The following KLHDC3 variants were observed in gnomAD, a reference collection of about 807,000 sequenced individuals.
KLHDC3 encodes the protein kelch domain-containing protein 3.
In KLHDC3, 5 loss-of-function variants were observed where a neutral mutation model predicts 44.1. The ratio of observed to expected loss-of-function variants is 0.11; its 90% CI spans 0.06 to 0.24. The LOEUF (loss-of-function observed/expected upper bound fraction) is 0.24, where lower values mean the gene tolerates loss of function less well. Among genes scored for constraint, KLHDC3 ranks in the 10% least tolerant of loss-of-function variants. KLHDC3 has a pLI of 1.00. For missense variants in KLHDC3, 247 were observed against 514.3 expected (o/e 0.48, Z 5.03); for synonymous variants, 170 against 189.0 (o/e 0.90, Z 0.82).
rs1358576256 is a variant in KLHDC3, at chr6:43,020,740, G to A, written c.*7G>A. The stretch of plus-strand genomic sequence containing the variant: ...CGTCTCCTCCCATGGGTAGGAGGAA[G>A]TTTCTGCCACCTCCCCTCCTGAGCC... On this transcript the variant is annotated 3_prime_UTR_variant, in exon 11 of 11. Transcript: ENST00000326974. 2.5e-6 allele frequency: 4 copies of A among 1,611,086 alleles called. No homozygotes were observed.
At chr6:43,019,507 TGGAA>T (rs1357867370) in intron 10 of KLHDC3, 141 bp downstream of exon 10, 5 of 634,950 alleles carry the variant, frequency 7.9e-6, no homozygotes, top group Non-Finnish European at 1.4e-5. Context: ...GGAAATGAGA[TGGAA>T]GGAGGTGAAT....
In KLHDC3 at chr6:43,017,068, G is replaced by A; in HGVS notation, c.-59-66G>A. 8.6e-7 allele frequency: 1 copy of A among 1,157,462 alleles called. No individual in the cohort carries two copies. Among genetic ancestry groups the A allele is most frequent in the Non-Finnish European group, 1.2e-6 (1 of 809,418 alleles). The allele number at this position is 1,157,462 out of a possible 1,614,324, so 71.7% of individuals were successfully genotyped here. A position where few individuals can be genotyped will look rare whatever the true frequency, so the allele number is the denominator to read the frequency against. The stretch of plus-strand genomic sequence containing the variant: ...CACTTGGAGGCAAAGGCTGGTTCTG[G>A]GCAGAGTCACAGTGAGCTGGGCAGA... On this transcript the variant is annotated intron_variant, in intron 1 of 10. Coordinates refer to ENST00000326974, the MANE Select transcript of KLHDC3 (RefSeq NM_057161.4). The surrounding 1 kb of genome is among the most constrained non-coding windows in gnomAD (Gnocchi z 6.0).
chr6:43,017,487 G>A lies in KLHDC3; in HGVS notation c.155-32G>A, dbSNP rs905711938. 8.9e-6 allele frequency: 14 copies of A among 1,567,330 alleles called. No individual in the cohort carries two copies. In the South Asian group the frequency reaches 1.7e-4, roughly 19 times the overall value. On this transcript the variant is annotated intron_variant, in intron 2 of 10. Coordinates refer to ENST00000326974, the MANE Select transcript of KLHDC3 (RefSeq NM_057161.4). This position sits in a 1 kb window ranked among gnomAD's most constrained non-coding sequence, Gnocchi z 6.0. ...GGAAAAGTGGACAGCCTGGAGGGAG[G>A]TTCCCAGGGCTGAGCAGAGCTGTGC...
Position 43,020,789 on chromosome 6 carries a change from C to A in KLHDC3, c.*56C>A. The A allele has an allele frequency of 2.2e-6, 3 of 1,367,362 alleles. No individual in the cohort carries two copies. Among genetic ancestry groups the A allele is most frequent in the Middle Eastern group, 1.8e-4 (1 of 5,556 alleles). The allele number at this position is 1,367,362 out of a possible 1,614,324, so 84.7% of individuals were successfully genotyped here. A position where few individuals can be genotyped will look rare whatever the true frequency, so the allele number is the denominator to read the frequency against. On this transcript the variant is annotated 3_prime_UTR_variant, in exon 11 of 11. Transcript: ENST00000326974. ...CCTGCTGTCATCTTCACTGCCCCTG[C>A]CCATCTGTCACCCACCTGCTCCTTT...
chr6:43,015,264 T>C (rs1171372405), intron 1 of KLHDC3, among the ~76,000 whole-genome samples: 1 of 152,078 alleles, frequency 6.6e-6, no homozygotes, highest in Admixed American at 6.6e-5. Context: ...CCCATGGCTA[T>C]TTAAAGCTTA....
Position 43,020,715 on chromosome 6 carries a change from C to G in KLHDC3, c.1131C>G (p.Ile377Met). 6.2e-7 allele frequency: 1 copy of G among 1,613,826 alleles called. No individual in the cohort carries two copies. The highest frequency in any genetic ancestry group is 8.5e-7 in the Non-Finnish European group (1 of 1,179,786). ...MTTNSNISRP[I>M]VSSHG is the part of the protein sequence containing the mutation. ...CCAACAGCAATATCAGTCGCCCCAT[C>G]GTCTCCTCCCATGGGTAGGAGGAAG... The change falls in exon 11 of 11, where the codon ATC (isoleucine) becomes ATG (methionine). Residue 377 changes from isoleucine to methionine, a missense_variant. This residue lies in a region of KLHDC3 where 176 missense variants were observed against 413.5 expected (regional missense o/e 0.43). Transcript: ENST00000326974.
intron 10 of KLHDC3, among the ~76,000 whole-genome samples, chr6:43,020,278 G>C (rs572651468): frequency 3.9e-5 from 6 of 152,220 alleles, no homozygotes; most frequent in East Asian, 3.9e-4. Context: ...AGCAAAAATG[G>C]GTATTCCTGG....
intron 10 of KLHDC3, among the ~76,000 whole-genome samples, chr6:43,019,742 G>A (rs1246436216): frequency 4.6e-5 from 7 of 152,114 alleles, no homozygotes; most frequent in Admixed American, 2.6e-4. Context: ...TTTGAATTTC[G>A]TTCTTAGGTT....
intron 1 of KLHDC3, among the ~76,000 whole-genome samples, chr6:43,015,753 G>A (rs1762554541): frequency 6.6e-6 from 1 of 151,400 alleles, no homozygotes; most frequent in Non-Finnish European, 1.5e-5. Flanking sequence ...GGGAGGCTGA[G>A]GCAGGAGAAT....
chr6:43,017,930 G>A lies in KLHDC3; in HGVS notation c.409G>A (p.Gly137Ser). ...GGATGGACATTCAGCCTGTGTCCTA[G>A]GCAAGATCATGTACATTTTTGGGGG... ...ARDGHSACVL[G>S]KIMYIFGGYE... The change falls in exon 4 of 11, where the codon GGC (glycine) becomes AGC (serine). Residue 137 changes from glycine (G) to serine (S), a missense_variant. Transcript: ENST00000326974. This position sits in a 1 kb window ranked among gnomAD's most constrained non-coding sequence, Gnocchi z 6.0. The A allele has an allele frequency of 6.2e-7, 1 of 1,614,124 alleles. No homozygotes were observed. The highest frequency in any genetic ancestry group is 1.1e-5 in the South Asian group (1 of 91,080).
In KLHDC3 at chr6:43,017,635, C is replaced by T; in HGVS notation, c.271C>T (p.Leu91Phe). ...CGTCCTCATCGACGACACAGTCCTC[C>T]TTTGGGGCGGGCGGAATGACACCGA... ...STVLIDDTVL[L>F]WGGRNDTEGA... Residue 91 changes from leucine to phenylalanine, a missense_variant, in exon 3 of 11, where the codon CTT (leucine) becomes TTT (phenylalanine). This residue lies in a region of KLHDC3 where 176 missense variants were observed against 413.5 expected (regional missense o/e 0.43). Transcript: ENST00000326974. This position sits in a 1 kb window ranked among gnomAD's most constrained non-coding sequence, Gnocchi z 6.0. The T allele has an allele frequency of 6.2e-7, 1 of 1,614,132 alleles. No homozygotes were observed.
intron 10 of KLHDC3, 114 bp from the exon 11 acceptor site, chr6:43,020,553 T>C: frequency 2.5e-6 from 2 of 786,706 alleles, no homozygotes; most frequent in Non-Finnish European, 4.4e-6. Context: ...TGGCTGTGGG[T>C]GGTTGACCTT....
chr6:43,018,882 G>A lies in KLHDC3; in HGVS notation c.840G>A (p.Lys280=), dbSNP rs1356701996. 6.2e-7 allele frequency: 1 copy of A among 1,611,084 alleles called. No homozygotes were observed. Among genetic ancestry groups the A allele is most frequent in the South Asian group, 1.1e-5 (1 of 90,846 alleles). ...KFNPVSFTWK[K]IEPKGKGPCP... is the part of the protein sequence containing the mutation. ...CTTCAGTGTCCTTTACCTGGAAAAA[G>A]ATTGAACCGAAGGGGAAGGGGCCAT... Residue 280 remains lysine (K), a synonymous_variant, in exon 8 of 11, where the codon AAG becomes AAA. Transcript: ENST00000326974. The surrounding 1 kb of genome is among the most constrained non-coding windows in gnomAD (Gnocchi z 6.0).
chr6:43,014,837 G>A (rs757575497), intron 1 of KLHDC3, among the ~76,000 whole-genome samples: 233 of 152,234 alleles, frequency 1.5e-3, no homozygotes, highest in Non-Finnish European at 3.0e-3. Flanking sequence ...GATCAAGAAG[G>A]GCGAGAAATG....
intron 10 of KLHDC3, among the ~76,000 whole-genome samples, chr6:43,020,006 T>C (rs1003920083): frequency 2.6e-5 from 4 of 152,016 alleles, no homozygotes; most frequent in Admixed American, 6.6e-5. Flanking sequence ...TGAAGCCCTG[T>C]CTATACTAAA....
chr6:43,021,000 G>A lies in KLHDC3; in HGVS notation c.*267G>A. The A allele has an allele frequency of 1.6e-6, 1 of 611,576 alleles. No homozygotes were observed. Among genetic ancestry groups the A allele is most frequent in the Admixed American group, 2.1e-5 (1 of 47,004 alleles). The allele number at this position is 611,576 out of a possible 1,614,324, so 37.9% of individuals were successfully genotyped here. Reference sequence around the variant, plus strand: ...TCAGCTGCTCCTGGGCCTCAGCTCTGCCCAGGGCCAGCCAGGTTCTGCTGG... The same window carrying A: ...TCAGCTGCTCCTGGGCCTCAGCTCTACCCAGGGCCAGCCAGGTTCTGCTGG... On this transcript the variant is annotated 3_prime_UTR_variant, in exon 11 of 11. Transcript: ENST00000326974.
At chr6:43,014,443 G>A (rs1762505729) in intron 1 of KLHDC3, 95 bp downstream of exon 1, 1 of 535,652 alleles carries the variant, frequency 1.9e-6, no homozygotes, top group South Asian at 1.5e-5. Context: ...TGAGAGTGAT[G>A]AGGTGGGGGT....
At chr6:43,019,228 C>G in intron 9 of KLHDC3, 60 bp from the exon 10 acceptor site, 4 of 1,549,024 alleles carry the variant, frequency 2.6e-6, no homozygotes, top group Non-Finnish European at 3.6e-6. Context: ...GTGGTGATAT[C>G]CAGGACTGGA....
At chr6:43,014,635 C>T (rs1383779142) in intron 1 of KLHDC3, 1 of 456,430 alleles carries the variant, frequency 2.2e-6, no homozygotes. Context: ...GGAGGGGTGT[C>T]TGGCGTGGTG....
Sources: gnomAD v4.1 joint callset for allele counts (sites outside exome capture counted in the v4.1 genomes callset) on GRCh38, gnomAD v4.1.1 for gene constraint, gnomAD v4.1.1 regional missense constraint, Gnocchi (gnomAD v3.1) non-coding constraint, MANE v1.5 for transcripts, NCBI Gene and HGNC (gene_info 2026-07-23, HGNC 2026-07-21) for gene names.